Variants in MYO1D observed in about 807,000 individuals in gnomAD.
MYO1D encodes myosin ID, also known as unconventional myosin-Id.
A neutral mutation model predicts 122.0 loss-of-function variants in MYO1D; 83 were observed. The observed-to-expected ratio is 0.68, with a 90% CI of 0.57 to 0.82. The LOEUF (loss-of-function observed/expected upper bound fraction) is 0.82. Among genes scored for constraint, MYO1D ranks in the 40% least tolerant of loss-of-function variants. The probability of loss-of-function intolerance (pLI) is 0.00; values close to 1 mark genes in which losing one functional copy is unlikely to be tolerated. For missense variants in MYO1D, 1,157 were observed against 1,269.5 expected (o/e 0.91, Z 1.35); for synonymous variants, 464 against 446.9 (o/e 1.04, Z -0.48).
intron 21 of MYO1D, chr17:32,498,455 CTCTG>C (rs1298127779): frequency 6.6e-6 from 1 of 152,228 alleles, no homozygotes; most frequent in Non-Finnish European, 1.5e-5. Context: ...TCACTTAAAC[CTCTG>C]TCTGGCTTTT....
chr17:32,645,514 A>T (rs2088276521), intron 19 of MYO1D, among the ~76,000 whole-genome samples: 2 of 150,660 alleles, frequency 1.3e-5, no homozygotes, highest in Non-Finnish European at 3.0e-5. Flanking sequence ...ACTTGGTTAC[A>T]CTCTCCCTGT....
At chr17:32,841,088 G>A (rs1961875557) in intron 1 of MYO1D, among the ~76,000 whole-genome samples, 1 of 152,230 alleles carries the variant, frequency 6.6e-6, no homozygotes, top group African/African-American at 2.4e-5. Flanking sequence ...AGGCTAGGCT[G>A]AGCTACGATG....
intron 1 of MYO1D, among the ~76,000 whole-genome samples, chr17:32,829,950 A>G (rs1038712683): frequency 3.3e-5 from 5 of 152,148 alleles, no homozygotes. Flanking sequence ...ATATCATCAA[A>G]TTTTCCAGGT....
chr17:32,498,801 A>G (rs886113400), intron 21 of MYO1D: 1 of 152,236 alleles, frequency 6.6e-6, no homozygotes, highest in African/African-American at 2.4e-5. Context: ...TGTTCTTTAC[A>G]CATTTTAGCA....
At chr17:32,751,098 T>G (rs1484833476) in intron 11 of MYO1D, among the ~76,000 whole-genome samples, 3 of 152,020 alleles carry the variant, frequency 2.0e-5, no homozygotes, top group Non-Finnish European at 4.4e-5. Context: ...ATAGCAGTTA[T>G]GTATTTATCA....
chr17:32,737,129 T>A (rs577276972), intron 14 of MYO1D, among the ~76,000 whole-genome samples: 2 of 152,134 alleles, frequency 1.3e-5, no homozygotes, highest in Non-Finnish European at 2.9e-5. Context: ...GTTGATTTTT[T>A]AAAAAAAGAT....
intron 16 of MYO1D, among the ~76,000 whole-genome samples, chr17:32,691,643 G>A (rs1042777253): frequency 4.6e-5 from 7 of 152,082 alleles, no homozygotes; most frequent in Non-Finnish European, 8.8e-5. Context: ...CTGACCTCAG[G>A]TGATCCGCCC....
intron 1 of MYO1D, among the ~76,000 whole-genome samples, chr17:32,852,647 A>C (rs557151724): frequency 1.2e-4 from 19 of 152,304 alleles, no homozygotes; most frequent in Non-Finnish European, 2.4e-4. Flanking sequence ...AAATACATGC[A>C]TAGTTTTTTC....
intron 1 of MYO1D, among the ~76,000 whole-genome samples, chr17:32,823,576 T>A (rs1455388575): frequency 1.3e-5 from 2 of 152,118 alleles, no homozygotes; most frequent in Non-Finnish European, 1.5e-5. Context: ...TATCCCCAAT[T>A]TGGCGAAATA....
intron 13 of MYO1D, among the ~76,000 whole-genome samples, chr17:32,744,416 A>G (rs2089808037): frequency 6.6e-6 from 1 of 152,144 alleles, no homozygotes; most frequent in South Asian, 2.1e-4. Flanking sequence ...CACAAACTGA[A>G]AGTTGTTTCC....
chr17:32,640,506 T>G (rs1295281552), intron 19 of MYO1D, among the ~76,000 whole-genome samples: 2 of 121,672 alleles, frequency 1.6e-5, no homozygotes, highest in Non-Finnish European at 3.3e-5. Context: ...CCCCAGAGTG[T>G]GATGTTCCCC....
intron 1 of MYO1D, among the ~76,000 whole-genome samples, chr17:32,869,544 T>C (rs2091160219): frequency 6.6e-6 from 1 of 152,164 alleles, no homozygotes; most frequent in African/African-American, 2.4e-5. Context: ...GCACCACAAA[T>C]GGGTACTAGA....
At chr17:32,780,360 A>G (rs895407455) in intron 2 of MYO1D, among the ~76,000 whole-genome samples, 2 of 152,204 alleles carry the variant, frequency 1.3e-5, no homozygotes, top group Non-Finnish European at 1.5e-5. Context: ...GAAGTCATCC[A>G]AGTGTAATAT....
intron 16 of MYO1D, among the ~76,000 whole-genome samples, chr17:32,688,948 T>C (rs2089059081): frequency 6.7e-6 from 1 of 150,222 alleles, no homozygotes; most frequent in African/African-American, 2.5e-5. Flanking sequence ...TGTGTGTGTG[T>C]ATGTGTGTAT....
chr17:32,620,887 T>C (rs1369716033), intron 20 of MYO1D, among the ~76,000 whole-genome samples: 2 of 152,196 alleles, frequency 1.3e-5, no homozygotes, highest in African/African-American at 2.4e-5. Flanking sequence ...ATCGCAAACA[T>C]ACACAAGTAT....
At chr17:32,641,784 T>C (rs1390806809) in intron 19 of MYO1D, among the ~76,000 whole-genome samples, 1 of 152,184 alleles carries the variant, frequency 6.6e-6, no homozygotes, top group Non-Finnish European at 1.5e-5. Flanking sequence ...TGGGGTTGCT[T>C]TTTTTCTTGT....
chr17:32,778,371 C>G (rs958511755), intron 3 of MYO1D, 109 bp downstream of exon 3: 1 of 913,668 alleles, frequency 1.1e-6, no homozygotes, highest in Non-Finnish European at 1.7e-6. Flanking sequence ...AATGCTCAGC[C>G]CATAGGTTTA....
chr17:32,648,623 G>A (rs2088335681), intron 19 of MYO1D, among the ~76,000 whole-genome samples: 1 of 152,180 alleles, frequency 6.6e-6, no homozygotes, highest in Non-Finnish European at 1.5e-5. Context: ...ATTACCCATA[G>A]CCAATGATTT....
At chr17:32,730,900 G>A (rs888123263) in intron 14 of MYO1D, among the ~76,000 whole-genome samples, 3 of 136,002 alleles carry the variant, frequency 2.2e-5, no homozygotes, top group Admixed American at 7.3e-5. Flanking sequence ...TCTCTTCCAC[G>A]TGTCTTTTTT....
Sources: allele counts gnomAD v4.1 joint callset (sites outside exome capture counted in the v4.1 genomes callset), GRCh38; gene constraint gnomAD v4.1.1; transcripts MANE v1.5; gene names NCBI Gene and HGNC (gene_info 2026-07-23, HGNC 2026-07-21).